ATP10D: variants seen among roughly 807,000 people sequenced by gnomAD.
ATP10D encodes ATPase phospholipid transporting 10D (putative).
A neutral mutation model predicts 144.8 loss-of-function variants in ATP10D; 89 were observed. The ratio of observed to expected loss-of-function variants is 0.61; its 90% CI spans 0.52 to 0.73. ATP10D has a LOEUF of 0.73. ATP10D is among the 30% of genes least tolerant of loss of function. ATP10D has a pLI of 0.00. For missense variants in ATP10D, 1,603 were observed against 1,714.8 expected (o/e 0.93, Z 1.15); for synonymous variants, 571 against 615.1 (o/e 0.93, Z 1.06).
In ATP10D at chr4:47,513,182, C is replaced by T. The variant is rs189912885; in HGVS notation, c.290+352C>T. 4.7e-4 allele frequency among the ~76,000 whole-genome samples: 71 copies of T among 152,260 alleles called. 1 individual carries two copies. The highest frequency in any genetic ancestry group is 1.4e-3 in the African/African-American group (58 of 41,538). On this transcript the variant is annotated intron_variant, in intron 2 of 22. Transcript: ENST00000273859. ...TTAGTGTTCTTTCCATGAAACCACG[C>T]GCATTTTAATTTCAAATTTTTCTTA...
At position 47,587,248 on chromosome 4, in the gene ATP10D, T is replaced by C. The variant is rs1279031338; in HGVS notation, c.3941+42T>C. 5 of 1,556,506 alleles carry C rather than the reference T, an allele frequency of 3.2e-6. 1 individual carries two copies. In the Middle Eastern group the frequency reaches 5.1e-4, roughly 160 times the overall value. On this transcript the variant is annotated intron_variant, in intron 22 of 22. Coordinates refer to ENST00000273859, the MANE Select transcript of ATP10D (RefSeq NM_020453.4). ...ATCATTGAGAGAATAAATGGAATCATAGGCTAAGAATCCTTCAAGCAACTA... is the reference window on the plus strand; with the variant it reads ...ATCATTGAGAGAATAAATGGAATCACAGGCTAAGAATCCTTCAAGCAACTA...
At chr4:47,546,542 G>A in intron 9 of ATP10D, 82 bp from the exon 10 acceptor site, 1 of 1,264,894 alleles carries the variant, frequency 7.9e-7, no homozygotes, top group Non-Finnish European at 1.1e-6. Flanking sequence ...GTGTGAAATA[G>A]CTGCTTAAGT....
intron 2 of ATP10D, among the ~76,000 whole-genome samples, chr4:47,513,825 T>C (rs1716489933): frequency 2.0e-5 from 3 of 152,116 alleles, no homozygotes. Flanking sequence ...ATGGAAGCAG[T>C]GTGGTGGGTA....
Position 47,580,404 on chromosome 4 carries a change from T to G in ATP10D, c.3574T>G (p.Leu1192Val). Residue 1192 changes from leucine (L) to valine (V), a missense_variant, in exon 20 of 23, where the codon TTA (leucine) becomes GTA (valine). Leu to Val is a conservative substitution (Grantham distance 32, BLOSUM62 1). Transcript: ENST00000273859. ...TTATCTGCTTCATTTCTAGGCATAC[T>G]TACCCCATACCTTCTGGATCACCTT... is the stretch of plus-strand genomic sequence containing the variant. Reference protein sequence around the residue: ...YRSGQKSEAYLPHTFWITLLD... With the variant: ...YRSGQKSEAYVPHTFWITLLD... 1 of 1,612,898 alleles carries G rather than the reference T, an allele frequency of 6.2e-7. No homozygotes were observed. Among genetic ancestry groups the G allele is most frequent in the Non-Finnish European group, 8.5e-7 (1 of 1,178,984 alleles).
In ATP10D at chr4:47,557,934, C is replaced by T. The variant is rs1329856036; in HGVS notation, c.2095C>T (p.His699Tyr). The T allele has an allele frequency of 1.9e-6, 3 of 1,614,208 alleles. No homozygotes were observed. Among genetic ancestry groups the T allele is most frequent in the East Asian group, 2.2e-5 (1 of 44,888 alleles). The change falls in exon 12 of 23, where the codon CAC becomes TAC. Residue 699 changes from histidine to tyrosine, a missense_variant. Coordinates refer to ENST00000273859, the MANE Select transcript of ATP10D (RefSeq NM_020453.4). ...SACCTETEKQHGDAGLLNGKA... is the reference protein window; with the variant it reads ...SACCTETEKQYGDAGLLNGKA... ...TTGCTGCACAGAAACAGAGAAACAACACGGTGATGCAGGCCTCCTGAATGG... is the reference window on the plus strand; with the variant it reads ...TTGCTGCACAGAAACAGAGAAACAATACGGTGATGCAGGCCTCCTGAATGG...
chr4:47,497,774 A>G (rs1715464699), intron 1 of ATP10D, among the ~76,000 whole-genome samples: 1 of 152,364 alleles, frequency 6.6e-6, no homozygotes, highest in African/African-American at 2.4e-5. Context: ...GGATTATTGT[A>G]TGTGAATTGC....
chr4:47,517,586 T>C (rs1228611039), intron 3 of ATP10D, among the ~76,000 whole-genome samples: 1 of 152,216 alleles, frequency 6.6e-6, no homozygotes, highest in Non-Finnish European at 1.5e-5. Flanking sequence ...ATTATGAATG[T>C]AATAATAAAA....
chr4:47,564,636 A>C (rs1171340301), intron 15 of ATP10D, among the ~76,000 whole-genome samples: 1 of 152,148 alleles, frequency 6.6e-6, no homozygotes, highest in Non-Finnish European at 1.5e-5. Context: ...TTAAAAAAGA[A>C]GGAAATTTAG....
chr4:47,591,464 G>A lies in ATP10D; in HGVS notation c.*83G>A, dbSNP rs1721045853. ...GTATCTCTCCAAGCAAGAATGACTT[G>A]TTTTTCCATAAGGGACATGAGCATT... On this transcript the variant is annotated 3_prime_UTR_variant, in exon 23 of 23. Coordinates refer to ENST00000273859, the MANE Select transcript of ATP10D (RefSeq NM_020453.4). 4.9e-6 allele frequency: 6 copies of A among 1,233,372 alleles called. No individual in the cohort carries two copies. Among genetic ancestry groups the A allele is most frequent in the Non-Finnish European group, 6.7e-6 (6 of 889,288 alleles). 76.4% of individuals were successfully genotyped at this position (1,233,372 alleles called of 1,614,324 possible).
intron 16 of ATP10D, among the ~76,000 whole-genome samples, chr4:47,570,350 A>T (rs1321639971): frequency 6.6e-6 from 1 of 152,206 alleles, no homozygotes; most frequent in Non-Finnish European, 1.5e-5. Flanking sequence ...CCATTTACTG[A>T]GATAGAGGCA....
At chr4:47,512,385 C>T in intron 1 of ATP10D, 119 bp from the exon 2 acceptor site, 1 of 636,480 alleles carries the variant, frequency 1.6e-6, no homozygotes, top group Non-Finnish European at 2.6e-6. Context: ...TTTACTTTCT[C>T]CCTTACATGT....
intron 1 of ATP10D, among the ~76,000 whole-genome samples, chr4:47,498,244 C>T (rs1715500816): frequency 6.6e-6 from 1 of 152,300 alleles, no homozygotes; most frequent in East Asian, 1.9e-4. Flanking sequence ...CTTCTTTTAA[C>T]CCAGAGTTTC....
Position 47,572,977 on chromosome 4 carries a change from T to A in ATP10D, c.3346T>A (p.Tyr1116Asn). 1 of 1,614,164 alleles carries A rather than the reference T, an allele frequency of 6.2e-7. No homozygotes were observed. The highest frequency in any genetic ancestry group is 8.5e-7 in the Non-Finnish European group (1 of 1,179,990). Residue 1116 changes from tyrosine to asparagine, a missense_variant, in exon 18 of 23, where the codon TAT becomes AAT. Physicochemically the swap from Tyr to Asn is moderately radical, Grantham distance 143 (BLOSUM62 -2). Coordinates refer to ENST00000273859, the MANE Select transcript of ATP10D (RefSeq NM_020453.4). The stretch of plus-strand genomic sequence containing the variant: ...TACACGGCTTTCCAACATGATTCTC[T>A]ATTTTTTCTATAAGAATGTGGTATG... ...CYTRLSNMIL[Y>N]FFYKNVAYVN... is the part of the protein sequence containing the mutation.
chr4:47,536,506 T>A lies in ATP10D; in HGVS notation c.1085T>A (p.Ile362Asn). ...AATGTTCCCGAGCCTGATGGACATA[T>A]CATATCACCACTGTTGGCAGGATTT... ...FFNVPEPDGH[I>N]ISPLLAGFYM... is the part of the protein sequence containing the mutation. The change falls in exon 8 of 23, where the codon ATC becomes AAC. Residue 362 changes from isoleucine to asparagine, a missense_variant. Ile to Asn is a moderately radical substitution (Grantham distance 149, BLOSUM62 -3). Coordinates refer to ENST00000273859, the MANE Select transcript of ATP10D (RefSeq NM_020453.4). 1 of 1,613,742 alleles carries A rather than the reference T, an allele frequency of 6.2e-7. No homozygotes were observed. The highest frequency in any genetic ancestry group is 1.3e-5 in the African/African-American group (1 of 75,022).
intron 3 of ATP10D, among the ~76,000 whole-genome samples, chr4:47,517,513 C>G (rs1163549862): frequency 2.6e-5 from 4 of 152,172 alleles, no homozygotes; most frequent in Non-Finnish European, 4.4e-5. Flanking sequence ...TAATCTGATT[C>G]TCTCAGTTAG....
At chr4:47,537,939 A>G (rs528850542) in intron 9 of ATP10D, among the ~76,000 whole-genome samples, 1 of 152,328 alleles carries the variant, frequency 6.6e-6, no homozygotes, top group South Asian at 2.1e-4. Flanking sequence ...TAAAATTATG[A>G]TAAATAAAAT....
intron 21 of ATP10D, 103 bp from the exon 22 acceptor site, chr4:47,586,916 C>T (rs1000892834): frequency 1.0e-6 from 1 of 960,520 alleles, no homozygotes; most frequent in South Asian, 1.6e-5. Flanking sequence ...ACCATTCATC[C>T]AGTGCTTAGA....
At chr4:47,494,734 C>T (rs1287373832) in intron 1 of ATP10D, among the ~76,000 whole-genome samples, 1 of 151,958 alleles carries the variant, frequency 6.6e-6, no homozygotes, top group Non-Finnish European at 1.5e-5. Flanking sequence ...TTCTAAAGAG[C>T]AATGAAGGTG....
At chr4:47,497,702 G>A (rs1330370235) in intron 1 of ATP10D, among the ~76,000 whole-genome samples, 1 of 152,106 alleles carries the variant, frequency 6.6e-6, no homozygotes, top group Non-Finnish European at 1.5e-5. Flanking sequence ...ACATAGTTTA[G>A]GAATTAATAA....
Sources: allele counts gnomAD v4.1 joint callset (sites outside exome capture counted in the v4.1 genomes callset), GRCh38; gene constraint gnomAD v4.1.1; transcripts MANE v1.5; gene names NCBI Gene and HGNC (gene_info 2026-07-23, HGNC 2026-07-21).